The following ZC3H12D variants were observed in gnomAD, a reference collection of about 807,000 sequenced individuals.
ZC3H12D encodes the protein probable ribonuclease ZC3H12D.
Under a neutral mutation model 24.2 loss-of-function variants are expected in ZC3H12D, and 11 were observed. That is an observed-to-expected ratio of 0.46 (90% CI 0.29 to 0.75). The LOEUF is 0.75. ZC3H12D is among the 30% of genes least tolerant of loss of function. ZC3H12D has a pLI of 0.11. For missense variants in ZC3H12D, 740 were observed against 767.7 expected (o/e 0.96, Z 0.43); for synonymous variants, 333 against 341.8 (o/e 0.97, Z 0.28).
At chr6:149,478,424 T>G (rs889826097) in intron 1 of ZC3H12D, among the ~76,000 whole-genome samples, 2 of 152,118 alleles carry the variant, frequency 1.3e-5, no homozygotes, top group African/African-American at 4.8e-5. Context: ...ATAAAGTTAT[T>G]TTTCATGAAG....
Position 149,450,790 on chromosome 6 carries a change from G to C in ZC3H12D, c.1477C>G (p.Gln493Glu). The change falls in exon 6 of 6, where the codon CAG becomes GAG. Residue 493 changes from glutamine (Q) to glutamate (E), a missense_variant. By Grantham distance (29) the Gln-to-Glu change is conservative. Coordinates refer to ENST00000409806, the MANE Select transcript of ZC3H12D (RefSeq NM_207360.3). ...AACGCGGCCATCACGCGGTCCACCT[G>C]GTCACGCGGGAAGACGCTGTAGAGC... ...IALYSVFPRD[Q>E]VDRVMAAFPE... The C allele has an allele frequency of 1.3e-6, 2 of 1,549,246 alleles. No individual in the cohort carries two copies. Among genetic ancestry groups the C allele is most frequent in the Non-Finnish European group, 1.7e-6 (2 of 1,146,798 alleles).
chr6:149,467,238 C>A (rs759317007), intron 2 of ZC3H12D, among the ~76,000 whole-genome samples: 1 of 151,956 alleles, frequency 6.6e-6, no homozygotes, highest in Admixed American at 6.6e-5. Flanking sequence ...AGACATCACC[C>A]CTGCTTCTTG....
At position 149,451,362 on chromosome 6, in the gene ZC3H12D, C is replaced by CATTAAAA; in HGVS notation, c.904_905insTTTTAAT (p.Gly302ValfsTer94). 1 of 1,496,214 alleles carries CATTAAAA rather than the reference C, an allele frequency of 6.7e-7. No individual in the cohort carries two copies. The highest frequency in any genetic ancestry group is 2.2e-5 in the Admixed American group (1 of 45,316). The allele number at this position is 1,496,214 out of a possible 1,614,324, so 92.7% of individuals were successfully genotyped here. On this transcript the variant is annotated frameshift_variant, in exon 6 of 6. Transcript: ENST00000409806. LOFTEE classifies it low-confidence loss of function (END_TRUNC). Reference sequence around the variant, plus strand: ...TCTCGGTGGCCGCTGCTCCTCGGCGCCCGCGCCAGGCCGGGCCCCTGTCTT... The same window carrying CATTAAAA: ...TCTCGGTGGCCGCTGCTCCTCGGCGCATTAAAACCGCGCCAGGCCGGGCCCCTGTCTT...
At chr6:149,468,698 C>T (rs1052128678) in intron 2 of ZC3H12D, among the ~76,000 whole-genome samples, 12 of 152,164 alleles carry the variant, frequency 7.9e-5, no homozygotes, top group Non-Finnish European at 1.5e-4. Context: ...TGGGAGCTTT[C>T]GCCTTACAAG....
chr6:149,451,111 G>A lies in ZC3H12D; in HGVS notation c.1156C>T (p.Pro386Ser). The change falls in exon 6 of 6, where the codon CCA becomes TCA. Residue 386 changes from proline (P) to serine (S), a missense_variant. Transcript: ENST00000409806. ...PDWVSAGGRV[P>S]GPLSLPSPES... ...GGGCTAGGGAGGCTGAGCGGGCCTG[G>A]CACCCGGCCGCCCGCGGACACCCAG... 1 of 1,351,378 alleles carries A rather than the reference G, an allele frequency of 7.4e-7. No homozygotes were observed. Among genetic ancestry groups the A allele is most frequent in the Non-Finnish European group, 9.5e-7 (1 of 1,057,222 alleles). The allele number at this position is 1,351,378 out of a possible 1,614,324, so 83.7% of individuals were successfully genotyped here. A position where few individuals can be genotyped will look rare whatever the true frequency, so the allele number is the denominator to read the frequency against.
chr6:149,459,198 A>T (rs930912528), intron 3 of ZC3H12D, among the ~76,000 whole-genome samples: 2 of 152,200 alleles, frequency 1.3e-5, no homozygotes, highest in African/African-American at 2.4e-5. Flanking sequence ...ATCCCAAAGT[A>T]ATTTCTCTAC....
chr6:149,470,611 T>G (rs971943429), intron 2 of ZC3H12D, among the ~76,000 whole-genome samples: 2 of 152,152 alleles, frequency 1.3e-5, no homozygotes, highest in African/African-American at 4.8e-5. Flanking sequence ...TCCTCACCCA[T>G]TAGAGATGAA....
chr6:149,484,400 T>C (rs1459663925), intron 1 of ZC3H12D, among the ~76,000 whole-genome samples: 3 of 152,188 alleles, frequency 2.0e-5, no homozygotes, highest in Non-Finnish European at 2.9e-5. Context: ...GATGCTCTCA[T>C]GAGCATGGTG....
chr6:149,450,992 G>A lies in ZC3H12D; in HGVS notation c.1275C>T (p.Asp425=), dbSNP rs1188068244. Reference sequence around the variant, plus strand: ...CGGGTGGCCTGCGCGGGGAAAGCAAGTCGCCGTGCAGGTCCCTAGGGCGGT... The same window carrying A: ...CGGGTGGCCTGCGCGGGGAAAGCAAATCGCCGTGCAGGTCCCTAGGGCGGT... ...GEHRPRDLHG[D]LLSPRRPPDD... is the part of the protein sequence containing the mutation. Residue 425 remains aspartate (D), a synonymous_variant, in exon 6 of 6, where the codon GAC becomes GAT. Transcript: ENST00000409806. 1 of 1,519,566 alleles carries A rather than the reference G, an allele frequency of 6.6e-7. No individual in the cohort carries two copies. Among genetic ancestry groups the A allele is most frequent in the South Asian group, 1.3e-5 (1 of 79,514 alleles). The allele number at this position is 1,519,566 out of a possible 1,614,324, so 94.1% of individuals were successfully genotyped here. A position where few individuals can be genotyped will look rare whatever the true frequency, so the allele number is the denominator to read the frequency against.
At chr6:149,465,751 T>C (rs1447591308) in intron 2 of ZC3H12D, among the ~76,000 whole-genome samples, 3 of 111,608 alleles carry the variant, frequency 2.7e-5, no homozygotes, top group Non-Finnish European at 5.1e-5. Flanking sequence ...CGAGACGCCA[T>C]CTCAAAAAAA....
rs920892274 is a variant in ZC3H12D, at chr6:149,454,201, G to T, written c.681-1479C>A. On this transcript the variant is annotated intron_variant, in intron 4 of 5. Transcript: ENST00000409806. ...CTGGCATGGAGCCCTAATGAGGAAGGGAATGCATGCTCAGAGTTCAACAGG... is the reference window on the plus strand; with the variant it reads ...CTGGCATGGAGCCCTAATGAGGAAGTGAATGCATGCTCAGAGTTCAACAGG... Among the ~76,000 whole-genome samples the T allele has an allele frequency of 1.2e-4, 19 of 152,336 alleles. No individual in the cohort carries two copies. The South Asian group carries it at 3.3e-3, about 27-fold the overall frequency.
In ZC3H12D at chr6:149,451,299, C is replaced by CG; in HGVS notation, c.967dup (p.Arg323ProfsTer71). 1 of 1,326,318 alleles carries CG rather than the reference C, an allele frequency of 7.5e-7. No homozygotes were observed. Among genetic ancestry groups the CG allele is most frequent in the Non-Finnish European group, 9.5e-7 (1 of 1,048,050 alleles). 82.2% of individuals were successfully genotyped at this position (1,326,318 alleles called of 1,614,324 possible). On this transcript the variant is annotated frameshift_variant, in exon 6 of 6. Coordinates refer to ENST00000409806, the MANE Select transcript of ZC3H12D (RefSeq NM_207360.3). LOFTEE classifies it low-confidence loss of function (END_TRUNC). ...CGGGAGGCTGTGCGCAAATGGTTCC[C>CG]GGGGGGCCGCCCGGGCTCCTGCGGA... is the stretch of plus-strand genomic sequence containing the variant.
chr6:149,462,050 CA>C (rs1776082733), intron 2 of ZC3H12D, 80 bp from the exon 3 acceptor site: 4 of 1,496,548 alleles, frequency 2.7e-6, no homozygotes, highest in Non-Finnish European at 3.6e-6. Context: ...TCCTGGATCA[CA>C]GTCTCATAAT....
rs1460953396 is a variant in ZC3H12D at position 149,452,476 on chromosome 6, C to T, written c.787+140G>A. 7 of 629,994 alleles carry T rather than the reference C, an allele frequency of 1.1e-5. No homozygotes were observed. Among genetic ancestry groups the T allele is most frequent in the Non-Finnish European group, 1.8e-5 (7 of 394,172 alleles). The allele number at this position is 629,994 out of a possible 1,614,324, so 39.0% of individuals were successfully genotyped here. A position where few individuals can be genotyped will look rare whatever the true frequency, so the allele number is the denominator to read the frequency against. On this transcript the variant is annotated intron_variant, in intron 5 of 5. Transcript: ENST00000409806. The surrounding 1 kb of genome is among the most constrained non-coding windows in gnomAD (Gnocchi z 4.0). ...TAACCCTGTCAGGAAAGTTAACTCT[C>T]CAGGTAGCACAGCTGGAGGGCAGAA...
At chr6:149,475,614 G>A (rs1242918405) in intron 1 of ZC3H12D, among the ~76,000 whole-genome samples, 1 of 152,134 alleles carries the variant, frequency 6.6e-6, no homozygotes, top group Non-Finnish European at 1.5e-5. Context: ...TACTTTGGAG[G>A]CTGAGGCAGG....
chr6:149,451,319 T>A lies in ZC3H12D; in HGVS notation c.948A>T (p.Ala316=). The A allele has an allele frequency of 7.4e-7, 1 of 1,356,090 alleles. No individual in the cohort carries two copies. The highest frequency in any genetic ancestry group is 9.4e-7 in the Non-Finnish European group (1 of 1,065,192). The allele number at this position is 1,356,090 out of a possible 1,614,324, so 84.0% of individuals were successfully genotyped here. A position where few individuals can be genotyped will look rare whatever the true frequency, so the allele number is the denominator to read the frequency against. ...GTTCCCGGGGGGCCGCCCGGGCTCC[T>A]GCGGAGCCGCCCGGGGCTCTCGGTG... ...QRPPRAPGGS[A]GARAAPREPF... The change falls in exon 6 of 6, where the codon GCA becomes GCT. Residue 316 remains alanine, a synonymous_variant. Coordinates refer to ENST00000409806, the MANE Select transcript of ZC3H12D (RefSeq NM_207360.3).
At chr6:149,484,526 T>C (rs1016653069) in intron 1 of ZC3H12D, among the ~76,000 whole-genome samples, 25 of 152,308 alleles carry the variant, frequency 1.6e-4, no homozygotes, top group Middle Eastern at 3.4e-3. Context: ...CTGGTTAATC[T>C]TTCCCCCAAA....
intron 1 of ZC3H12D, among the ~76,000 whole-genome samples, chr6:149,476,584 T>G (rs367133): frequency 0.46 from 70,239 of 151,716 alleles, 18,099 homozygotes; most frequent in African/African-American, 0.69. Flanking sequence ...GAGGCAGGCG[T>G]ATCGCTTTAG....
At position 149,451,363 on chromosome 6, in the gene ZC3H12D, C is replaced by CGTATCATTAAAAA; in HGVS notation, c.903_904insTTTTTAATGATAC (p.Gly302PhefsTer96). On this transcript the variant is annotated frameshift_variant, in exon 6 of 6. Coordinates refer to ENST00000409806, the MANE Select transcript of ZC3H12D (RefSeq NM_207360.3). LOFTEE classifies it low-confidence loss of function (END_TRUNC). ...CTCGGTGGCCGCTGCTCCTCGGCGC[C>CGTATCATTAAAAA]CGCGCCAGGCCGGGCCCCTGTCTTG... The CGTATCATTAAAAA allele has an allele frequency of 2.0e-6, 3 of 1,504,910 alleles. No individual in the cohort carries two copies. Among genetic ancestry groups the CGTATCATTAAAAA allele is most frequent in the Admixed American group, 2.2e-5 (1 of 46,372 alleles). The allele number at this position is 1,504,910 out of a possible 1,614,324, so 93.2% of individuals were successfully genotyped here.
Sources: gnomAD v4.1 joint callset for allele counts (sites outside exome capture counted in the v4.1 genomes callset) on GRCh38, gnomAD v4.1.1 for gene constraint, Gnocchi (gnomAD v3.1) non-coding constraint, MANE v1.5 for transcripts, NCBI Gene and HGNC (gene_info 2026-07-23, HGNC 2026-07-21) for gene names.